The following TFRC variants were observed in gnomAD, a reference collection of about 807,000 sequenced individuals.
TFRC encodes transferrin receptor.
A neutral mutation model predicts 85.8 loss-of-function variants in TFRC; 35 were observed. That is an observed-to-expected ratio of 0.41 (90% CI 0.31 to 0.54). The LOEUF is 0.54. Among genes scored for constraint, TFRC ranks in the 20% least tolerant of loss-of-function variants. TFRC has a pLI of 0.31. For synonymous variants in TFRC, 362 were observed against 328.6 expected (o/e 1.10, Z -1.10); for missense variants, 828 against 921.5 (o/e 0.90, Z 1.31).
intron 16 of TFRC, among the ~76,000 whole-genome samples, chr3:196,056,081 C>A (rs1342894391): frequency 6.6e-6 from 1 of 152,206 alleles, no homozygotes; most frequent in African/African-American, 2.4e-5. Context: ...GTCACCCAGG[C>A]TGGAGCGTGG....
At chr3:196,074,386 C>T (rs1718480060) in intron 3 of TFRC, 1 of 290,222 alleles carries the variant, frequency 3.4e-6, no homozygotes, top group Admixed American at 5.1e-5. Context: ...GACTGAGCTG[C>T]TGCACCGCCA....
In TFRC at chr3:196,064,390, C is replaced by T. The variant is rs1209037725; in HGVS notation, c.1237G>A (p.Gly413Ser). The T allele has an allele frequency of 2.5e-6, 4 of 1,613,260 alleles. No homozygotes were observed. The highest frequency in any genetic ancestry group is 3.4e-6 in the Non-Finnish European group (4 of 1,179,764). Residue 413 changes from glycine to serine, a missense_variant, in exon 11 of 19, where the codon GGC (glycine) becomes AGC (serine). Gly to Ser is a moderately conservative substitution (Grantham distance 56). Transcript: ENST00000360110. ...ACACCGGATTTTGCAGCTCCAGGGC[C>T]CCATGCATCTCTCTGGGCCCCAACT... ...VVVGAQRDAWGPGAAKSGVGT... is the reference protein window; with the variant it reads ...VVVGAQRDAWSPGAAKSGVGT...
intron 16 of TFRC, among the ~76,000 whole-genome samples, chr3:196,057,646 G>A (rs1053515635): frequency 6.6e-6 from 1 of 151,918 alleles, no homozygotes; most frequent in African/African-American, 2.4e-5. Flanking sequence ...AAGATCCATG[G>A]CCAGGTGTAG....
At chr3:196,053,369 G>A (rs41298069) in intron 18 of TFRC, 49 bp downstream of exon 18, 42 of 1,602,440 alleles carry the variant, frequency 2.6e-5, no homozygotes, top group African/African-American at 2.1e-4. Context: ...AAGATTTATC[G>A]GTTATTTTAC....
At chr3:196,068,529 T>C (rs1230606167) in intron 7 of TFRC, among the ~76,000 whole-genome samples, 1 of 140,302 alleles carries the variant, frequency 7.1e-6, no homozygotes, top group East Asian at 2.1e-4. Context: ...GAGAATCGCT[T>C]GAAACCATAA....
chr3:196,062,383 A>T, intron 13 of TFRC, 199 bp downstream of exon 13: 1 of 544,580 alleles, frequency 1.8e-6, no homozygotes, highest in Non-Finnish European at 3.3e-6. Flanking sequence ...AATACAAAAA[A>T]TTAGCTGGGT....
intron 8 of TFRC, 82 bp from the exon 9 acceptor site, chr3:196,067,739 C>G: frequency 6.7e-7 from 1 of 1,495,308 alleles, no homozygotes; most frequent in Non-Finnish European, 9.0e-7. Context: ...TATAAGGCTG[C>G]AGCCCAACCT....
intron 16 of TFRC, chr3:196,055,573 T>C: frequency 4.0e-6 from 2 of 499,798 alleles, no homozygotes; most frequent in Middle Eastern, 5.6e-4. Flanking sequence ...AATAGACTTC[T>C]AGCCAAATTC....
chr3:196,053,858 G>GA (rs1288168473), intron 17 of TFRC, among the ~76,000 whole-genome samples: 1 of 152,192 alleles, frequency 6.6e-6, no homozygotes, highest in Non-Finnish European at 1.5e-5. Context: ...CCCTATAGGG[G>GA]AAAACATTTT....
chr3:196,067,581 G>A lies in TFRC; in HGVS notation c.977C>T (p.Ser326Leu), dbSNP rs747756035. Residue 326 changes from serine to leucine, a missense_variant, in exon 9 of 19, where the codon TCA becomes TTA. By Grantham distance (145) the Ser-to-Leu change is moderately radical (BLOSUM62 -2). Coordinates refer to ENST00000360110, the MANE Select transcript of TFRC (RefSeq NM_001128148.3). ...GACAGGTATATTAGGCAATCCTGAT[G>A]ACCGAGATGGTGGAAACTGAGTGTG... is the stretch of plus-strand genomic sequence containing the variant. ...FNHTQFPPSR[S>L]SGLPNIPVQT... 1 of 1,613,998 alleles carries A rather than the reference G, an allele frequency of 6.2e-7. No individual in the cohort carries two copies. The highest frequency in any genetic ancestry group is 1.3e-5 in the African/African-American group (1 of 74,916).
Position 196,073,964 on chromosome 3 carries a change from T to C in TFRC, c.400A>G (p.Lys134Glu). 1 of 1,614,156 alleles carries C rather than the reference T, an allele frequency of 6.2e-7. No individual in the cohort carries two copies. Among genetic ancestry groups the C allele is most frequent in the Non-Finnish European group, 8.5e-7 (1 of 1,180,018 alleles). ...WDDLKRKLSE[K>E]LDSTDFTGTI... is the part of the protein sequence containing the mutation. ...CCGGTGAAGTCTGTGCTGTCCAGTT[T>C]CTCCGACAACTTTCTCTTCAGGTCA... Residue 134 changes from lysine (K) to glutamate (E), a missense_variant, in exon 4 of 19, where the codon AAA becomes GAA. By Grantham distance (56) the Lys-to-Glu change is moderately conservative (BLOSUM62 1). Transcript: ENST00000360110.
At chr3:196,077,017 TATTTCAC>T in intron 2 of TFRC, 40 bp downstream of exon 2, 1 of 1,555,396 alleles carries the variant, frequency 6.4e-7, no homozygotes, top group South Asian at 1.1e-5. Context: ...CATGCTTGTA[TATTTCAC>T]ATTCTTGCAG....
At chr3:196,077,246 A>G in intron 1 of TFRC, 124 bp from the exon 2 acceptor site, 3 of 634,960 alleles carry the variant, frequency 4.7e-6, no homozygotes, top group Non-Finnish European at 8.2e-6. Context: ...TAGAAAAGGT[A>G]TTTAACCATA....
intron 14 of TFRC, among the ~76,000 whole-genome samples, chr3:196,059,176 T>C (rs1411306592): frequency 6.6e-6 from 1 of 152,080 alleles, no homozygotes; most frequent in Non-Finnish European, 1.5e-5. Context: ...TAGCCAGGTG[T>C]GGTGGTGTGC....
At chr3:196,063,803 G>C (rs770014993) in intron 11 of TFRC, among the ~76,000 whole-genome samples, 1 of 152,138 alleles carries the variant, frequency 6.6e-6, no homozygotes, top group Non-Finnish European at 1.5e-5. Flanking sequence ...TGTAATCCCA[G>C]CTACTCAGGA....
At chr3:196,073,780 T>TA (rs1426008725) in intron 4 of TFRC, 150 bp downstream of exon 4, 16 of 777,888 alleles carry the variant, frequency 2.1e-5, no homozygotes, top group Admixed American at 3.6e-5. Context: ...TTCAGTTTTT[T>TA]ACAGGCCCCT....
intron 1 of TFRC, among the ~76,000 whole-genome samples, chr3:196,079,054 T>C (rs766796736): frequency 4.8e-4 from 73 of 152,150 alleles, no homozygotes; most frequent in African/African-American, 1.7e-3. Context: ...ATTAGTTACT[T>C]GATAAGAACA....
At chr3:196,078,593 G>A (rs1399793400) in intron 1 of TFRC, among the ~76,000 whole-genome samples, 3 of 151,802 alleles carry the variant, frequency 2.0e-5, no homozygotes, top group Non-Finnish European at 4.4e-5. Context: ...GGAGGTGGAG[G>A]TTGCAGTGAG....
At position 196,058,642 on chromosome 3, in the gene TFRC, A is replaced by G. The variant is rs1403216990; in HGVS notation, c.1537-10T>C. 1.2e-6 allele frequency: 2 copies of G among 1,604,978 alleles called. No individual in the cohort carries two copies. Among genetic ancestry groups the G allele is most frequent in the Non-Finnish European group, 1.7e-6 (2 of 1,175,162 alleles). Reference sequence around the variant, plus strand: ...TAACCGGATGCTTCACCTGTAAGATAAGAAATTATCATTAAAACTAACCTT... The same window carrying G: ...TAACCGGATGCTTCACCTGTAAGATGAGAAATTATCATTAAAACTAACCTT... On this transcript the variant is annotated splice_polypyrimidine_tract_variant and intron_variant, in intron 14 of 18. Coordinates refer to ENST00000360110, the MANE Select transcript of TFRC (RefSeq NM_001128148.3).
Sources: allele counts gnomAD v4.1 joint callset (sites outside exome capture counted in the v4.1 genomes callset), GRCh38; gene constraint gnomAD v4.1.1; transcripts MANE v1.5; gene names NCBI Gene and HGNC (gene_info 2026-07-23, HGNC 2026-07-21).